Variants in SARS2 observed in about 807,000 individuals in gnomAD.
SARS2 encodes the protein serine--tRNA ligase, mitochondrial.
SARS2 carries 52 observed loss-of-function variants against 66.8 expected under a neutral mutation model. The ratio of observed to expected loss-of-function variants is 0.78; its 90% CI spans 0.62 to 0.98. The LOEUF (loss-of-function observed/expected upper bound fraction) is 0.98. SARS2 is among the 50% of genes least tolerant of loss of function. The pLI is 0.00. For synonymous variants in SARS2, 306 were observed against 281.4 expected (o/e 1.09, Z -0.87); for missense variants, 673 against 706.3 (o/e 0.95, Z 0.53).
intron 12 of SARS2, among the ~76,000 whole-genome samples, chr19:38,916,656 C>A (rs201429094): frequency 7.8e-6 from 1 of 127,440 alleles, no homozygotes; most frequent in Non-Finnish European, 1.6e-5. Flanking sequence ...ACCTTCTAGG[C>A]ACCCTCGGTT....
At chr19:38,919,892 T>C (rs774053644) in intron 6 of SARS2, 25 bp from the exon 7 acceptor site, 2 of 1,593,420 alleles carry the variant, frequency 1.3e-6, no homozygotes, top group South Asian at 2.2e-5. Flanking sequence ...GACAGGCGGG[T>C]GCACATGGGC....
intron 7 of SARS2, 142 bp downstream of exon 7, chr19:38,919,620 G>T: frequency 1.4e-6 from 1 of 728,970 alleles, no homozygotes; most frequent in Non-Finnish European, 2.5e-6. Context: ...GTTGTCGTAA[G>T]GACTAAATGT....
chr19:38,917,310 C>G (rs1974434968), intron 12 of SARS2, among the ~76,000 whole-genome samples: 1 of 152,234 alleles, frequency 6.6e-6, no homozygotes, highest in Non-Finnish European at 1.5e-5. Context: ...GTCCACATTT[C>G]TCAGCCTCTC....
chr19:38,920,029 G>C, intron 6 of SARS2, 57 bp downstream of exon 6: 1 of 1,482,198 alleles, frequency 6.7e-7, no homozygotes, highest in Admixed American at 2.0e-5. Flanking sequence ...GCAGGAGCCA[G>C]CTGTCGGGGT....
In SARS2 at chr19:38,921,277, C is replaced by A. The variant is rs1034927509; in HGVS notation, c.589+115G>T. On this transcript the variant is annotated intron_variant, in intron 5 of 15. Coordinates refer to ENST00000221431, the MANE Select transcript of SARS2 (RefSeq NM_017827.4). Reference sequence around the variant, plus strand: ...GAAGCTGGAGCCACCTCCTGTACCGCCAGGAGTTCTCCAGGCTCCAGACAT... The same window carrying A: ...GAAGCTGGAGCCACCTCCTGTACCGACAGGAGTTCTCCAGGCTCCAGACAT... The A allele has an allele frequency of 3.7e-5, 42 of 1,120,054 alleles. No individual in the cohort carries two copies. The African/African-American group carries it at 5.7e-4, about 15-fold the overall frequency. 69.4% of individuals were successfully genotyped at this position (1,120,054 alleles called of 1,614,324 possible).
Position 38,917,994 on chromosome 19 carries a change from C to A in SARS2, c.977G>T (p.Ser326Ile). The A allele has an allele frequency of 6.2e-7, 1 of 1,602,296 alleles. No individual in the cohort carries two copies. Among genetic ancestry groups the A allele is most frequent in the Non-Finnish European group, 8.5e-7 (1 of 1,174,140 alleles). ...RDLPVRMVCS[S>I]TCYRAETNTG... ...GTTTGTCTCTGCCCGGTAGCAGGTGCTGGAGCAAACCATCCTGGCAGAGAG... is the reference window on the plus strand; with the variant it reads ...GTTTGTCTCTGCCCGGTAGCAGGTGATGGAGCAAACCATCCTGGCAGAGAG... Residue 326 changes from serine to isoleucine, a missense_variant, in exon 11 of 16, where the codon AGC (serine) becomes ATC (isoleucine). Transcript: ENST00000221431.
Position 38,923,253 on chromosome 19 carries a change from G to A in SARS2, c.364-986C>T, listed in dbSNP as rs1168986657. ...TTTTTTTTTTTTGAGACGGAGTCTC[G>A]CTCTGTCGCCCAGGCTGGAGTGCAG... On this transcript the variant is annotated intron_variant, in intron 2 of 15. Transcript: ENST00000221431. Among the ~76,000 whole-genome samples the A allele has an allele frequency of 2.5e-4, 25 of 100,966 alleles. No individual in the cohort carries two copies. In the Admixed American group the frequency reaches 3.3e-3, roughly 13 times the overall value. 66.2% of individuals were successfully genotyped at this position (100,966 alleles called of 152,430 possible). A position where few individuals can be genotyped will look rare whatever the true frequency, so the allele number is the denominator to read the frequency against.
chr19:38,917,874 T>C, intron 11 of SARS2, 41 bp from the exon 12 acceptor site: 1 of 1,613,370 alleles, frequency 6.2e-7, no homozygotes, highest in Non-Finnish European at 8.5e-7. Context: ...TCTGAGCTCT[T>C]GGGGTGGCCC....
At chr19:38,917,157 G>A (rs954143275) in intron 12 of SARS2, among the ~76,000 whole-genome samples, 2 of 150,652 alleles carry the variant, frequency 1.3e-5, no homozygotes, top group Admixed American at 6.6e-5. Context: ...ACGAGCTCTC[G>A]CTGTGTTGCC....
At chr19:38,919,470 G>A (rs548697923) in intron 7 of SARS2, among the ~76,000 whole-genome samples, 1 of 152,278 alleles carries the variant, frequency 6.6e-6, no homozygotes, top group Admixed American at 6.5e-5. Context: ...CAAGCAGGCA[G>A]TGAGGTGCAA....
At chr19:38,920,015 T>C (rs1974489745) in intron 6 of SARS2, 71 bp downstream of exon 6, 4 of 1,442,998 alleles carry the variant, frequency 2.8e-6, no homozygotes, top group Non-Finnish European at 1.9e-6. Flanking sequence ...CTGAGGCCAA[T>C]GAGGCAGGAG....
At chr19:38,930,078 A>C (rs549539111) in intron 1 of SARS2, 1 of 202,684 alleles carries the variant, frequency 4.9e-6, no homozygotes, top group East Asian at 1.2e-4. Flanking sequence ...TAAACGCAAG[A>C]GCTCCACCAC....
Position 38,922,229 on chromosome 19 carries a change from T to G in SARS2, c.393+9A>C. On this transcript the variant is annotated intron_variant, in intron 3 of 15. Coordinates refer to ENST00000221431, the MANE Select transcript of SARS2 (RefSeq NM_017827.4). ...CAACCCTGGATAGGACATCAACTCT[T>G]CACAGTACCTGCTGCACTTCACCAC... 1 of 1,614,066 alleles carries G rather than the reference T, an allele frequency of 6.2e-7. No individual in the cohort carries two copies. The highest frequency in any genetic ancestry group is 8.5e-7 in the Non-Finnish European group (1 of 1,179,944).
intron 1 of SARS2, 37 bp downstream of exon 1, chr19:38,930,433 A>AAC: frequency 6.4e-7 from 1 of 1,564,928 alleles, no homozygotes; most frequent in Non-Finnish European, 8.6e-7. Context: ...CCGTAAAGCA[A>AAC]ACGTCTGCGC....
At position 38,930,560 on chromosome 19, in the gene SARS2, G is replaced by A; in HGVS notation, c.177C>T (p.Asp59=). The A allele has an allele frequency of 1.2e-6, 2 of 1,613,870 alleles. No individual in the cohort carries two copies. Among genetic ancestry groups the A allele is most frequent in the Non-Finnish European group, 1.7e-6 (2 of 1,180,008 alleles). The change falls in exon 1 of 16, where the codon GAC becomes GAT. Residue 59 remains aspartate (D), a synonymous_variant. Transcript: ENST00000221431. ...REGYSALPQL[D]IERFCACPEE... Reference sequence around the variant, plus strand: ...CTGGGCATGCGCAGAACCGCTCTATGTCCAGCTGAGGGAGTGCGCTGTAGC... The same window carrying A: ...CTGGGCATGCGCAGAACCGCTCTATATCCAGCTGAGGGAGTGCGCTGTAGC...
intron 11 of SARS2, 39 bp downstream of exon 11, chr19:38,917,882 C>A (rs1259424062): frequency 1.2e-6 from 2 of 1,607,436 alleles, no homozygotes; most frequent in African/African-American, 2.7e-5. Context: ...CTTGGGGTGG[C>A]CCCCCACCCC....
chr19:38,924,790 G>A (rs114569059), intron 2 of SARS2, among the ~76,000 whole-genome samples: 1,938 of 152,178 alleles, frequency 0.013, 44 homozygotes, highest in African/African-American at 0.044. Context: ...CTACAAGTGC[G>A]TACCCCCATA....
rs199906438 is a variant in SARS2, at chr19:38,922,310, C to A, written c.364-43G>T. On this transcript the variant is annotated intron_variant, in intron 2 of 15. Coordinates refer to ENST00000221431, the MANE Select transcript of SARS2 (RefSeq NM_017827.4). ...GGGTGGGTGATTAGGTTGACAAAGT[C>A]GAGGGTGGGGAAGAGAAAAAATGGT... The A allele has an allele frequency of 1.1e-5, 18 of 1,605,368 alleles. No individual in the cohort carries two copies. In the South Asian group the frequency reaches 2.0e-4, roughly 18 times the overall value.
intron 1 of SARS2, among the ~76,000 whole-genome samples, chr19:38,927,043 T>A (rs1292344035): frequency 6.6e-6 from 1 of 151,524 alleles, no homozygotes; most frequent in African/African-American, 2.4e-5. Flanking sequence ...TTCAGGTGAT[T>A]CTCCTGCCTT....
Sources: gnomAD v4.1 joint callset for allele counts (sites outside exome capture counted in the v4.1 genomes callset) on GRCh38, gnomAD v4.1.1 for gene constraint, MANE v1.5 for transcripts, NCBI Gene and HGNC (gene_info 2026-07-23, HGNC 2026-07-21) for gene names.